CMKLR2: variants seen among roughly 807,000 people sequenced by gnomAD.
The protein encoded by CMKLR2 is chemerin chemokine-like receptor 2.
Under a neutral mutation model 23.0 loss-of-function variants are expected in CMKLR2, and 18 were observed. The observed-to-expected ratio is 0.78, with a 90% CI of 0.54 to 1.16. The LOEUF (loss-of-function observed/expected upper bound fraction) is 1.16. CMKLR2 is among the 50% of genes most tolerant of loss of function. The pLI, the probability that CMKLR2 is intolerant of heterozygous loss-of-function variation, is 0.00. For missense variants in CMKLR2, 401 were observed against 412.7 expected, an observed-to-expected ratio of 0.97 and a Z score of 0.25; for synonymous variants, 158 against 158.9, an observed-to-expected ratio of 0.99 and a Z score of 0.05.
At chr2:206,204,121 G>A (rs1689217654) in intron 1 of CMKLR2, among the ~76,000 whole-genome samples, 2 of 152,152 alleles carry the variant, frequency 1.3e-5, no homozygotes, top group Admixed American at 6.5e-5. Context: ...GGGAGTCCGA[G>A]GCGGGCGGAT....
chr2:206,180,734 C>CATTAATATTATTATT (rs1553513111), intron 1 of CMKLR2, among the ~76,000 whole-genome samples: 85 of 130,558 alleles, frequency 6.5e-4, no homozygotes, highest in Middle Eastern at 3.7e-3. Context: ...GTGCCCAGCC[C>CATTAATATTATTATT]ATTATTATTA....
intron 1 of CMKLR2, among the ~76,000 whole-genome samples, chr2:206,212,801 CG>C (rs1267411331): frequency 3.3e-5 from 5 of 152,090 alleles, no homozygotes; most frequent in Non-Finnish European, 7.4e-5. Flanking sequence ...GAGCCAGTGG[CG>C]GGGAGCTGCA....
chr2:206,192,078 C>T (rs1466604519), intron 1 of CMKLR2, among the ~76,000 whole-genome samples: 1 of 151,192 alleles, frequency 6.6e-6, no homozygotes, highest in African/African-American at 2.4e-5. Context: ...CTTCTGACCT[C>T]GTGATTTTCC....
upstream of CMKLR2, among the ~76,000 whole-genome samples, chr2:206,216,926 T>A (rs1689772753): frequency 6.6e-6 from 1 of 152,234 alleles, no homozygotes; most frequent in South Asian, 2.1e-4. Flanking sequence ...TCATTAAGGT[T>A]AGCATTATTC....
intron 1 of CMKLR2, among the ~76,000 whole-genome samples, chr2:206,210,871 G>A (rs1182302762): frequency 6.6e-6 from 1 of 151,996 alleles, no homozygotes; most frequent in Non-Finnish European, 1.5e-5. Context: ...CTCAATTAGA[G>A]GTTTATCATT....
intron 1 of CMKLR2, among the ~76,000 whole-genome samples, chr2:206,202,265 T>TA (rs1689122457): frequency 2.0e-5 from 3 of 152,334 alleles, no homozygotes; most frequent in South Asian, 2.1e-4. Context: ...TGTTGATGTC[T>TA]AAAATTCAGT....
intron 1 of CMKLR2, among the ~76,000 whole-genome samples, chr2:206,180,444 G>A (rs1322453408): frequency 3.3e-5 from 5 of 151,964 alleles, no homozygotes; most frequent in South Asian, 2.1e-4. Context: ...AAAACTTTTC[G>A]TTGTTATTGA....
chr2:206,182,030 C>G (rs1209022525), intron 1 of CMKLR2, among the ~76,000 whole-genome samples: 1 of 149,720 alleles, frequency 6.7e-6, no homozygotes, highest in African/African-American at 2.5e-5. Context: ...AGTGGACCAT[C>G]ATAAAGGGCT....
intron 1 of CMKLR2, among the ~76,000 whole-genome samples, chr2:206,179,910 A>G (rs1688358048): frequency 6.6e-6 from 1 of 152,186 alleles, no homozygotes; most frequent in Non-Finnish European, 1.5e-5. Context: ...GCTCACAGGC[A>G]TCTCAAATTC....
At position 206,176,357 on chromosome 2, in the gene CMKLR2, A is replaced by G. The variant is rs777607536; in HGVS notation, c.891T>C (p.Ser297=). The G allele has an allele frequency of 6.6e-5, 106 of 1,614,062 alleles. No individual in the cohort carries two copies. The highest frequency in any genetic ancestry group is 8.7e-5 in the Non-Finnish European group (103 of 1,180,042). The change falls in exon 2 of 2, where the codon AGT becomes AGC. Residue 297 remains serine (S), a synonymous_variant. Transcript: ENST00000621141. ...PLSTGLAFLN[S]CLNPILYVLI... is the part of the protein sequence containing the mutation. ...GGACATAAAGGATGGGGTTCAAGCAACTATTGAGGAATGCCAAACCAGTGG... is the reference window on the plus strand; with the variant it reads ...GGACATAAAGGATGGGGTTCAAGCAGCTATTGAGGAATGCCAAACCAGTGG...
At chr2:206,213,118 A>T (rs1057323589) in intron 1 of CMKLR2, among the ~76,000 whole-genome samples, 189 bp downstream of exon 1, 1 of 152,230 alleles carries the variant, frequency 6.6e-6, no homozygotes, top group African/African-American at 2.4e-5. Flanking sequence ...TCGTCCCTAA[A>T]CACTTTTGCC....
At chr2:206,188,189 C>T (rs1688642321) in intron 1 of CMKLR2, among the ~76,000 whole-genome samples, 1 of 152,142 alleles carries the variant, frequency 6.6e-6, no homozygotes, top group East Asian at 1.9e-4. Context: ...CCCCTTTGAC[C>T]TCCCAAAATG....
chr2:206,175,646 C>G lies in CMKLR2; in HGVS notation c.*534G>C, dbSNP rs904090408. ...CCGAGTAGCTGGGTTTGCAGACATG[C>G]ACCACCATGACCGGCTAATTTTGTA... On this transcript the variant is annotated 3_prime_UTR_variant, in exon 2 of 2. Transcript: ENST00000621141. 2.0e-5 allele frequency: 3 copies of G among 152,248 alleles called. No individual in the cohort carries two copies. The highest frequency in any genetic ancestry group is 4.4e-5 in the Non-Finnish European group (3 of 68,154). The allele number at this position is 152,248 out of a possible 1,614,324, so 9.4% of individuals were successfully genotyped here. A position where few individuals can be genotyped will look rare whatever the true frequency, so the allele number is the denominator to read the frequency against.
At chr2:206,185,001 T>G (rs1688536111) in intron 1 of CMKLR2, among the ~76,000 whole-genome samples, 1 of 152,158 alleles carries the variant, frequency 6.6e-6, no homozygotes, top group South Asian at 2.1e-4. Context: ...CTTTCTTTCT[T>G]TTCTTTAAGA....
chr2:206,192,570 T>G (rs995246165), intron 1 of CMKLR2, among the ~76,000 whole-genome samples: 2 of 151,762 alleles, frequency 1.3e-5, no homozygotes, highest in Non-Finnish European at 2.9e-5. Context: ...CAAAAACTCC[T>G]TGTTTACCTT....
intron 1 of CMKLR2, among the ~76,000 whole-genome samples, chr2:206,208,146 T>G (rs16838081): frequency 0.038 from 5,817 of 152,228 alleles, 167 homozygotes; most frequent in East Asian, 0.12. Flanking sequence ...AGGAATAACT[T>G]TTACTCATCC....
At chr2:206,211,248 A>G (rs1416014521) in intron 1 of CMKLR2, among the ~76,000 whole-genome samples, 1 of 152,174 alleles carries the variant, frequency 6.6e-6, no homozygotes, top group Non-Finnish European at 1.5e-5. Context: ...TTTTGGTTGA[A>G]TATTGGTCTC....
At chr2:206,184,656 T>A (rs1191107321) in intron 1 of CMKLR2, among the ~76,000 whole-genome samples, 3 of 151,770 alleles carry the variant, frequency 2.0e-5, no homozygotes, top group Non-Finnish European at 4.4e-5. Context: ...TCAACATATC[T>A]TTTTTTTGGT....
chr2:206,190,782 C>T (rs925794429), intron 1 of CMKLR2, among the ~76,000 whole-genome samples: 7 of 152,144 alleles, frequency 4.6e-5, no homozygotes, highest in Non-Finnish European at 1.0e-4. Flanking sequence ...CCTATTTTCA[C>T]GATGCTGAGA....
Sources: gnomAD v4.1 joint callset for allele counts (sites outside exome capture counted in the v4.1 genomes callset) on GRCh38, gnomAD v4.1.1 for gene constraint, MANE v1.5 for transcripts, NCBI Gene and HGNC (gene_info 2026-07-23, HGNC 2026-07-21) for gene names.